Variants in KRT27 observed in about 807,000 individuals in gnomAD.
The protein encoded by KRT27 is keratin, type I cytoskeletal 27.
In KRT27, 30 loss-of-function variants were observed where a neutral mutation model predicts 45.3. That is an observed-to-expected ratio of 0.66 (90% CI 0.50 to 0.90). KRT27 has a LOEUF of 0.90. Among genes scored for constraint, KRT27 ranks in the 40% least tolerant of loss-of-function variants. The pLI, the probability that KRT27 is intolerant of heterozygous loss-of-function variation, is 0.00. For synonymous variants in KRT27, 204 were observed against 223.9 expected (o/e 0.91, Z 0.79); for missense variants, 610 against 564.3 (o/e 1.08, Z -0.82).
At position 40,782,272 on chromosome 17, in the gene KRT27, C is replaced by T; in HGVS notation, c.222G>A (p.Gly74=). 1 of 1,614,190 alleles carries T rather than the reference C, an allele frequency of 6.2e-7. No homozygotes were observed. Among genetic ancestry groups the T allele is most frequent in the South Asian group, 1.1e-5 (1 of 91,086 alleles). ...GGSASCAAFT[G]NEHGLLSGNE... is the part of the protein sequence containing the mutation. ...TGCCAGAGAGGAGGCCGTGCTCATTCCCTGTGAAGGCAGCACAGGAAGCAC... is the reference window on the plus strand; with the variant it reads ...TGCCAGAGAGGAGGCCGTGCTCATTTCCTGTGAAGGCAGCACAGGAAGCAC... Residue 74 remains glycine, a synonymous_variant, in exon 1 of 8, where the codon GGG becomes GGA. Coordinates refer to ENST00000301656, the MANE Select transcript of KRT27 (RefSeq NM_181537.4).
chr17:40,779,700 C>T lies in KRT27; in HGVS notation c.846G>A (p.Lys282=), dbSNP rs1331127874. 1 of 1,613,770 alleles carries T rather than the reference C, an allele frequency of 6.2e-7. No individual in the cohort carries two copies. The highest frequency in any genetic ancestry group is 1.1e-5 in the South Asian group (1 of 91,048). ...CGGGCGCACCCAAGCGTGGTTTTAC[C>T]TTTTCGTTGAACCAGGCCTCCGCGT... ...RRDAEAWFNE[K]SASLQQQISD... The change falls in exon 4 of 8, where the codon AAG becomes AAA. Residue 282 remains lysine, a splice_region_variant and synonymous_variant. Transcript: ENST00000301656.
At position 40,780,499 on chromosome 17, in the gene KRT27, T is replaced by A. The variant is rs541698408; in HGVS notation, c.528-43A>T. 2.7e-5 allele frequency: 42 copies of A among 1,555,704 alleles called. No individual in the cohort carries two copies. The East Asian group carries it at 9.5e-4, about 35-fold the overall frequency. ...AAGTTTCATCATTAGTCATTAGACA[T>A]GGCACATCACTTTTTAGATCATCAT... On this transcript the variant is annotated intron_variant, in intron 2 of 7. Coordinates refer to ENST00000301656, the MANE Select transcript of KRT27 (RefSeq NM_181537.4).
chr17:40,776,955 T>A lies in KRT27; in HGVS notation c.*44A>T. The A allele has an allele frequency of 3.9e-6, 6 of 1,543,784 alleles. No homozygotes were observed. Among genetic ancestry groups the A allele is most frequent in the Non-Finnish European group, 4.4e-6 (5 of 1,138,662 alleles). ...CCTTATTTAGGAAACTAGCTTCATT[T>A]TGGTATTTTAATTTGGGGGCCATTC... On this transcript the variant is annotated 3_prime_UTR_variant, in exon 8 of 8. Transcript: ENST00000301656.
chr17:40,781,122 A>G (rs1158672120), intron 2 of KRT27, 66 bp downstream of exon 2: 1 of 941,664 alleles, frequency 1.1e-6, no homozygotes, highest in Non-Finnish European at 1.6e-6. Flanking sequence ...CAAATAACTT[A>G]GAAGAATAAA....
At position 40,776,926 on chromosome 17, in the gene KRT27, G is replaced by A; in HGVS notation, c.*73C>T. 7.4e-7 allele frequency: 1 copy of A among 1,360,008 alleles called. No individual in the cohort carries two copies. Among genetic ancestry groups the A allele is most frequent in the Non-Finnish European group, 1.0e-6 (1 of 986,634 alleles). The allele number at this position is 1,360,008 out of a possible 1,614,324, so 84.2% of individuals were successfully genotyped here. A position where few individuals can be genotyped will look rare whatever the true frequency, so the allele number is the denominator to read the frequency against. On this transcript the variant is annotated 3_prime_UTR_variant, in exon 8 of 8. Coordinates refer to ENST00000301656, the MANE Select transcript of KRT27 (RefSeq NM_181537.4). ...TTGGAAGAAAAGCAGAAAAATAAGG[G>A]GACCCTTATTTAGGAAACTAGCTTC...
At position 40,777,282 on chromosome 17, in the gene KRT27, C is replaced by T. The variant is rs1406889715; in HGVS notation, c.1211G>A (p.Gly404Asp). The T allele has an allele frequency of 6.2e-7, 1 of 1,613,592 alleles. No individual in the cohort carries two copies. The highest frequency in any genetic ancestry group is 2.2e-5 in the East Asian group (1 of 44,868). The stretch of plus-strand genomic sequence containing the variant: ...TGTTTGATTTCCTGGGCCTCCATAG[C>T]CTTTTGATTTAGAACAGGAGCTGTA... ...GEDGSCSKSK[G>D]YGGPGNQTKD... Residue 404 changes from glycine to aspartate, a missense_variant, in exon 7 of 8, where the codon GGC becomes GAC. Coordinates refer to ENST00000301656, the MANE Select transcript of KRT27 (RefSeq NM_181537.4).
chr17:40,780,231 A>G, intron 3 of KRT27, 69 bp downstream of exon 3: 2 of 1,419,896 alleles, frequency 1.4e-6, no homozygotes, highest in Non-Finnish European at 9.5e-7. Context: ...CATTATATTT[A>G]TCATCTGAAA....
At chr17:40,780,209 G>C (rs1383883866) in intron 3 of KRT27, 91 bp downstream of exon 3, 3 of 1,252,636 alleles carry the variant, frequency 2.4e-6, no homozygotes, top group Non-Finnish European at 3.3e-6. Context: ...CTTCTTGAAT[G>C]TTAATTTAAG....
At chr17:40,779,342 G>C (rs1048781719) in intron 5 of KRT27, among the ~76,000 whole-genome samples, 160 bp downstream of exon 5, 16 of 152,186 alleles carry the variant, frequency 1.1e-4, no homozygotes, top group Admixed American at 5.2e-4. Flanking sequence ...TACTTTGTAG[G>C]CAAAGAGGAT....
chr17:40,778,413 A>G (rs1263339839), intron 5 of KRT27, among the ~76,000 whole-genome samples: 2 of 152,086 alleles, frequency 1.3e-5, no homozygotes, highest in African/African-American at 4.8e-5. Context: ...CTGTGGATAA[A>G]CTCTGGTGGT....
Position 40,781,254 on chromosome 17 carries a change from G to A in KRT27, c.461C>T (p.Thr154Ile). The A allele has an allele frequency of 6.2e-7, 1 of 1,606,568 alleles. No individual in the cohort carries two copies. Among genetic ancestry groups the A allele is most frequent in the Non-Finnish European group, 8.5e-7 (1 of 1,174,154 alleles). ...TTGCAGGACAACATGGGCATTACTG[G>A]TAGTTGCAGAAATTATCTGACAAAT... is the stretch of plus-strand genomic sequence containing the variant. ...ELKNQIISAT[T>I]SNAHVVLQND... The change falls in exon 2 of 8, where the codon ACC (threonine) becomes ATC (isoleucine). Residue 154 changes from threonine (T) to isoleucine (I), a missense_variant. By Grantham distance (89) the Thr-to-Ile change is moderately conservative (BLOSUM62 -1). Transcript: ENST00000301656.
chr17:40,781,618 C>T (rs972422412), intron 1 of KRT27, among the ~76,000 whole-genome samples: 1 of 152,176 alleles, frequency 6.6e-6, no homozygotes, highest in Non-Finnish European at 1.5e-5. Context: ...TTAGTAGAAA[C>T]AGGGTTTCAC....
rs1447562244 is a variant in KRT27 at position 40,779,501 on chromosome 17, C to T, written c.972+1G>A. ...AATCTGTTTTGTAACTTTTCGCTTACCGTTGCTAAGAGGGACTGAAGTTCA... is the reference window on the plus strand; with the variant it reads ...AATCTGTTTTGTAACTTTTCGCTTATCGTTGCTAAGAGGGACTGAAGTTCA... On this transcript the variant is annotated splice_donor_variant, in intron 5 of 7. Coordinates refer to ENST00000301656, the MANE Select transcript of KRT27 (RefSeq NM_181537.4). LOFTEE classifies it high-confidence loss of function. 6.3e-7 allele frequency: 1 copy of T among 1,598,336 alleles called. No homozygotes were observed. The highest frequency in any genetic ancestry group is 8.5e-7 in the Non-Finnish European group (1 of 1,171,876).
chr17:40,779,812 A>T lies in KRT27; in HGVS notation c.734T>A (p.Met245Lys), dbSNP rs777237093. ...GAGGTCTACCCCGGGGGCCGCGTTCATCTCCACGTTCACGTTGCCTCCAGC... is the reference window on the plus strand; with the variant it reads ...GAGGTCTACCCCGGGGGCCGCGTTCTTCTCCACGTTCACGTTGCCTCCAGC... ...CAAGGNVNVE[M>K]NAAPGVDLTV... The change falls in exon 4 of 8, where the codon ATG (methionine) becomes AAG (lysine). Residue 245 changes from methionine to lysine, a missense_variant. Coordinates refer to ENST00000301656, the MANE Select transcript of KRT27 (RefSeq NM_181537.4). 1 of 1,614,186 alleles carries T rather than the reference A, an allele frequency of 6.2e-7. No individual in the cohort carries two copies. Among genetic ancestry groups the T allele is most frequent in the South Asian group, 1.1e-5 (1 of 91,084 alleles).
chr17:40,781,213 G>A lies in KRT27; in HGVS notation c.502C>T (p.Leu168=), dbSNP rs370023996. ...TTTAGTCTGAAGTCATCAGCTGTTA[G>A]TCTTGCATTATCATTTTGCAGGACA... The part of the protein sequence containing the change: ...HVVLQNDNAR[L]TADDFRLKFE... The change falls in exon 2 of 8, where the codon CTA becomes TTA. Residue 168 remains leucine (L), a synonymous_variant. Coordinates refer to ENST00000301656, the MANE Select transcript of KRT27 (RefSeq NM_181537.4). 6.2e-6 allele frequency: 10 copies of A among 1,611,056 alleles called. No individual in the cohort carries two copies. Among genetic ancestry groups the A allele is most frequent in the Admixed American group, 3.3e-5 (2 of 59,892 alleles).
chr17:40,777,810 AAG>A, intron 5 of KRT27, 78 bp from the exon 6 acceptor site: 2 of 1,356,706 alleles, frequency 1.5e-6, no homozygotes, highest in Non-Finnish European at 2.1e-6. Flanking sequence ...AGAGATAATT[AAG>A]AGAATTATCC....
chr17:40,780,250 A>T (rs776872147), intron 3 of KRT27, 50 bp downstream of exon 3: 685 of 1,531,402 alleles, frequency 4.5e-4, no homozygotes, highest in Non-Finnish European at 5.8e-4. Flanking sequence ...AATTAGTTTT[A>T]AAATTTGGTA....
chr17:40,781,952 G>A (rs2143038267), intron 1 of KRT27, 98 bp downstream of exon 1: 1 of 1,034,378 alleles, frequency 9.7e-7, no homozygotes, highest in South Asian at 1.7e-5. Flanking sequence ...AGAAGCTGAG[G>A]GCAAAGCCCT....
At chr17:40,777,222 A>T (rs1222573152) in intron 7 of KRT27, 31 bp downstream of exon 7, 1 of 1,613,048 alleles carries the variant, frequency 6.2e-7, no homozygotes. Flanking sequence ...ATACAAATAA[A>T]CACTGAATGC....
Sources: gnomAD v4.1 joint callset for allele counts (sites outside exome capture counted in the v4.1 genomes callset) on GRCh38, gnomAD v4.1.1 for gene constraint, MANE v1.5 for transcripts, NCBI Gene and HGNC (gene_info 2026-07-23, HGNC 2026-07-21) for gene names.